Variants in PKN2 observed in about 807,000 individuals in gnomAD.
The protein encoded by PKN2 is protein kinase N2.
Under a neutral mutation model 119.1 loss-of-function variants are expected in PKN2, and 38 were observed. The observed-to-expected ratio is 0.32, with a 90% confidence interval of 0.25 to 0.42. PKN2 has a LOEUF of 0.42. PKN2 is among the 10% of genes least tolerant of loss of function. PKN2 has a pLI of 1.00. For missense variants in PKN2, 850 were observed against 1,165.1 expected, an observed-to-expected ratio of 0.73 and a Z score of 3.94; for synonymous variants, 390 against 384.9, an observed-to-expected ratio of 1.01 and a Z score of -0.15.
intron 6 of PKN2, among the ~76,000 whole-genome samples, chr1:88,783,781 A>G (rs1035576973): frequency 1.1e-4 from 16 of 152,182 alleles, no homozygotes; most frequent in African/African-American, 3.4e-4. Flanking sequence ...GAACACCTTT[A>G]GTATTTATTT....
chr1:88,728,136 C>T (rs1667973328), intron 1 of PKN2, among the ~76,000 whole-genome samples: 1 of 151,164 alleles, frequency 6.6e-6, no homozygotes, highest in South Asian at 2.1e-4. Context: ...ACCTGAAGTT[C>T]CTAACTGGTC....
At position 88,786,149 on chromosome 1, in the gene PKN2, A is replaced by T; in HGVS notation, c.1217A>T (p.Gln406Leu). 6.2e-7 allele frequency: 1 copy of T among 1,613,464 alleles called. No individual in the cohort carries two copies. The highest frequency in any genetic ancestry group is 8.5e-7 in the Non-Finnish European group (1 of 1,179,434). The change falls in exon 8 of 22, where the codon CAA becomes CTA. Residue 406 changes from glutamine (Q) to leucine (L), a missense_variant. This residue lies in a region of PKN2 where 350 missense variants were observed against 511.1 expected (regional missense o/e 0.68). Coordinates refer to ENST00000370521, the MANE Select transcript of PKN2 (RefSeq NM_006256.4). ...AAGCTCGATAATACTGTGGTTGGCC[A>T]AACTAGCTGGAAACCCATTTCCAAT... ...VLKLDNTVVG[Q>L]TSWKPISNQS...
intron 1 of PKN2, among the ~76,000 whole-genome samples, chr1:88,713,209 AT>A (rs1341531476): frequency 7.9e-5 from 12 of 152,140 alleles, no homozygotes; most frequent in Non-Finnish European, 1.8e-4. Flanking sequence ...AGTCTTTGCT[AT>A]TGTGAATAGT....
At chr1:88,788,561 T>G (rs1051824824) in intron 8 of PKN2, among the ~76,000 whole-genome samples, 3 of 152,130 alleles carry the variant, frequency 2.0e-5, no homozygotes, top group Non-Finnish European at 4.4e-5. Flanking sequence ...TTCTCCTGCC[T>G]TAGCCTCCTA....
chr1:88,790,319 A>G (rs1325814523), intron 8 of PKN2, among the ~76,000 whole-genome samples: 1 of 152,208 alleles, frequency 6.6e-6, no homozygotes, highest in African/African-American at 2.4e-5. Flanking sequence ...AGTTTTAGAG[A>G]TGATATATGT....
chr1:88,785,463 A>G (rs932653976), intron 7 of PKN2, among the ~76,000 whole-genome samples: 1 of 152,150 alleles, frequency 6.6e-6, no homozygotes, highest in African/African-American at 2.4e-5. Context: ...TAATAGTAAC[A>G]TTGAAATTTT....
Position 88,804,399 on chromosome 1 carries a change from A to T in PKN2, c.1290A>T (p.Glu430Asp). ...TTTTTTAATTATCCTAGTCACGTGA[A>T]CTGGAAATTTCAGTTTATTGGCGTG... ...KFTLELDRSR[E>D]LEISVYWRDW... is the part of the protein sequence containing the mutation. Residue 430 changes from glutamate (E) to aspartate (D), a missense_variant, in exon 9 of 22, where the codon GAA becomes GAT. By Grantham distance (45) the Glu-to-Asp change is conservative (BLOSUM62 2). This residue lies in a region of PKN2 where 350 missense variants were observed against 511.1 expected (regional missense o/e 0.68). Coordinates refer to ENST00000370521, the MANE Select transcript of PKN2 (RefSeq NM_006256.4). The T allele has an allele frequency of 6.2e-7, 1 of 1,609,820 alleles. No homozygotes were observed. The highest frequency in any genetic ancestry group is 8.5e-7 in the Non-Finnish European group (1 of 1,177,624).
intron 16 of PKN2, among the ~76,000 whole-genome samples, chr1:88,818,647 CAAAA>C (rs199849657): frequency 8.6e-5 from 7 of 81,774 alleles, no homozygotes; most frequent in South Asian, 4.1e-4. Context: ...GACTCCTTCT[CAAAA>C]AAAAAAAAAA....
chr1:88,776,870 C>A (rs936854319), intron 6 of PKN2, among the ~76,000 whole-genome samples: 1 of 146,202 alleles, frequency 6.8e-6, no homozygotes, highest in Non-Finnish European at 1.5e-5. Context: ...TCAAGCTTTT[C>A]TTTGTTTTTT....
chr1:88,770,686 C>T (rs1047143616), intron 4 of PKN2, among the ~76,000 whole-genome samples: 3 of 150,406 alleles, frequency 2.0e-5, no homozygotes, highest in African/African-American at 7.4e-5. Context: ...CCCGGGTTCA[C>T]GCCATTCTCC....
chr1:88,789,672 A>G (rs1223978279), intron 8 of PKN2, among the ~76,000 whole-genome samples: 1 of 150,776 alleles, frequency 6.6e-6, no homozygotes, highest in East Asian at 1.9e-4. Flanking sequence ...CATAATAATA[A>G]TAATAATAAT....
chr1:88,789,853 G>C (rs1326577325), intron 8 of PKN2, among the ~76,000 whole-genome samples: 1 of 152,002 alleles, frequency 6.6e-6, no homozygotes, highest in Admixed American at 6.6e-5. Context: ...TGTTAAATCA[G>C]TAATCTAGTG....
At chr1:88,826,671 C>T (rs1013527104) in intron 18 of PKN2, among the ~76,000 whole-genome samples, 1 of 151,952 alleles carries the variant, frequency 6.6e-6, no homozygotes, top group South Asian at 2.1e-4. Context: ...ATGAAGAAAC[C>T]TAGAATTTGA....
chr1:88,786,442 T>C (rs901563199), intron 8 of PKN2, among the ~76,000 whole-genome samples: 2 of 152,214 alleles, frequency 1.3e-5, no homozygotes, highest in African/African-American at 2.4e-5. Flanking sequence ...TGAAAATGTT[T>C]CATTCATAGC....
chr1:88,796,268 T>A (rs1413034271), intron 8 of PKN2, among the ~76,000 whole-genome samples: 1 of 152,208 alleles, frequency 6.6e-6, no homozygotes, highest in Non-Finnish European at 1.5e-5. Context: ...CATTGTCATA[T>A]TTGTGCTCAG....
At chr1:88,684,857 T>A (rs1350273854) in intron 1 of PKN2, 2 of 477,262 alleles carry the variant, frequency 4.2e-6, no homozygotes, top group Non-Finnish European at 7.4e-6. Context: ...GGTTTGATTC[T>A]GCCTACCAGA....
intron 8 of PKN2, among the ~76,000 whole-genome samples, chr1:88,795,936 A>G (rs1358310222): frequency 6.6e-6 from 1 of 152,368 alleles, no homozygotes; most frequent in Non-Finnish European, 1.5e-5. Context: ...CATATTTTAC[A>G]GGTGAGCAAT....
chr1:88,793,866 T>C (rs1252031404), intron 8 of PKN2, among the ~76,000 whole-genome samples: 1 of 152,196 alleles, frequency 6.6e-6, no homozygotes, highest in Non-Finnish European at 1.5e-5. Context: ...TCAGTACAAA[T>C]ACAACTATCC....
intron 1 of PKN2, among the ~76,000 whole-genome samples, chr1:88,726,897 C>T (rs1189876011): frequency 1.3e-5 from 2 of 152,050 alleles, no homozygotes; most frequent in East Asian, 3.9e-4. Flanking sequence ...TGGGTGCTTG[C>T]AAAGAATATG....
Sources: allele counts gnomAD v4.1 joint callset (sites outside exome capture counted in the v4.1 genomes callset), GRCh38; gene constraint gnomAD v4.1.1; regional missense constraint gnomAD v4.1.1; transcripts MANE v1.5; gene names NCBI Gene and HGNC (gene_info 2026-07-23, HGNC 2026-07-21).